The following TTC7A variants were observed in gnomAD, a reference collection of about 807,000 sequenced individuals.
TTC7A encodes the protein tetratricopeptide repeat protein 7A.
A neutral mutation model predicts 103.7 loss-of-function variants in TTC7A; 110 were observed. The observed-to-expected ratio is 1.06, with a 90% CI of 0.91 to 1.24. TTC7A has a LOEUF of 1.24. Among genes scored for constraint, TTC7A ranks in the 50% most tolerant of loss-of-function variants. The pLI is 0.00. For synonymous variants in TTC7A, 521 were observed against 467.9 expected (o/e 1.11, Z -1.47); for missense variants, 1,340 against 1,116.3 (o/e 1.20, Z -2.86).
At position 47,050,146 on chromosome 2, in the gene TTC7A, C is replaced by T. The variant is rs566433252; in HGVS notation, c.2017+100C>T. ...GAGAGGGGCCGGGCCCTCTCCCAGC[C>T]GGGCCAAGCCCACCACTGGCTCCTT... On this transcript the variant is annotated intron_variant, in intron 17 of 19. Transcript: ENST00000319190. 170 of 1,019,702 alleles carry T rather than the reference C, an allele frequency of 1.7e-4. 1 individual carries two copies. Among genetic ancestry groups the T allele is most frequent in the South Asian group, 1.3e-3 (95 of 73,852 alleles). The allele number at this position is 1,019,702 out of a possible 1,614,324, so 63.2% of individuals were successfully genotyped here. A position where few individuals can be genotyped will look rare whatever the true frequency, so the allele number is the denominator to read the frequency against.
chr2:46,943,551 T>C (rs1369726790), intron 1 of TTC7A, among the ~76,000 whole-genome samples: 2 of 152,150 alleles, frequency 1.3e-5, no homozygotes, highest in Non-Finnish European at 1.5e-5. Flanking sequence ...TAGTCATACA[T>C]GCATATGCAC....
chr2:46,961,713 T>C, intron 3 of TTC7A, among the ~76,000 whole-genome samples: 1 of 151,916 alleles, frequency 6.6e-6, no homozygotes, highest in East Asian at 1.9e-4. Flanking sequence ...GAGACCAGCC[T>C]GGCCAACATG....
intron 18 of TTC7A, among the ~76,000 whole-genome samples, chr2:47,060,360 A>C (rs957853768): frequency 2.6e-5 from 4 of 151,318 alleles, no homozygotes; most frequent in Admixed American, 1.3e-4. Context: ...ACAGAGGGAA[A>C]CTCTTTTTCT....
chr2:46,963,752 G>A (rs1431657354), intron 3 of TTC7A, among the ~76,000 whole-genome samples: 1 of 152,192 alleles, frequency 6.6e-6, no homozygotes, highest in Non-Finnish European at 1.5e-5. Flanking sequence ...AGCTATTGAG[G>A]TCTGTTGAGG....
Position 47,051,889 on chromosome 2 carries a change from C to T in TTC7A, c.2152+9C>T, listed in dbSNP as rs1383429766. 6.2e-7 allele frequency: 1 copy of T among 1,603,800 alleles called. No homozygotes were observed. Among genetic ancestry groups the T allele is most frequent in the Admixed American group, 1.7e-5 (1 of 59,206 alleles). On this transcript the variant is annotated intron_variant, in intron 18 of 19. Coordinates refer to ENST00000319190, the MANE Select transcript of TTC7A (RefSeq NM_020458.4). ...GATCTGGCTGCAGGCTGGTGAGTGCCCTGGTCCCAGTGACACACACAGCCT... is the reference window on the plus strand; with the variant it reads ...GATCTGGCTGCAGGCTGGTGAGTGCTCTGGTCCCAGTGACACACACAGCCT...
In TTC7A at chr2:47,064,365, G is replaced by C. The variant is rs12612314; in HGVS notation, c.2355+3394G>C. Among the ~76,000 whole-genome samples, 2,698 of 152,332 alleles carry C rather than the reference G, an allele frequency of 0.018. 334 individuals are homozygous for C. The East Asian group carries it at 0.34, about 19-fold the overall frequency. The stretch of plus-strand genomic sequence containing the variant: ...GTCCCAGACTTCTCTCCAGTAGCTG[G>C]AAATCCCACTCAGCTGGGGTATTCA... On this transcript the variant is annotated intron_variant, in intron 19 of 19. Transcript: ENST00000319190.
chr2:46,995,390 A>G (rs1381716196), intron 8 of TTC7A, among the ~76,000 whole-genome samples, 191 bp downstream of exon 8: 1 of 152,206 alleles, frequency 6.6e-6, no homozygotes, highest in African/African-American at 2.4e-5. Context: ...TTGGCTGTCG[A>G]AGGCTTCATT....
chr2:47,073,568 T>G (rs1684957576), intron 19 of TTC7A, 134 bp from the exon 20 acceptor site: 12 of 744,112 alleles, frequency 1.6e-5, no homozygotes, highest in Non-Finnish European at 4.6e-6. Context: ...CACTTAACAG[T>G]GCCCAAGCCA....
At chr2:46,998,548 G>C (rs892550283) in intron 8 of TTC7A, among the ~76,000 whole-genome samples, 1 of 152,206 alleles carries the variant, frequency 6.6e-6, no homozygotes, top group Non-Finnish European at 1.5e-5. Context: ...GGCTGGGTTT[G>C]GCTACAAATG....
intron 1 of TTC7A, among the ~76,000 whole-genome samples, chr2:46,942,814 C>T (rs1483715781): frequency 6.6e-6 from 1 of 152,180 alleles, no homozygotes; most frequent in Non-Finnish European, 1.5e-5. Context: ...TTGAAGAGCT[C>T]CCACAGTGAA....
chr2:46,993,659 TAATC>T, intron 6 of TTC7A, 131 bp downstream of exon 6: 1 of 807,678 alleles, frequency 1.2e-6, no homozygotes, highest in South Asian at 1.5e-5. Context: ...CAGAGGTTGG[TAATC>T]AATCTCAGCA....
At chr2:46,975,800 G>A (rs58580247) in intron 4 of TTC7A, among the ~76,000 whole-genome samples, 24,049 of 151,870 alleles carry the variant, frequency 0.16, 2,576 homozygotes, top group African/African-American at 0.31. Flanking sequence ...TCAGTGGCAC[G>A]ATCTCAGCTC....
At chr2:47,002,376 G>A (rs1676910906) in intron 8 of TTC7A, among the ~76,000 whole-genome samples, 1 of 152,218 alleles carries the variant, frequency 6.6e-6, no homozygotes, top group Non-Finnish European at 1.5e-5. Context: ...ACGGTGAGAA[G>A]ATTTAATGTT....
intron 2 of TTC7A, among the ~76,000 whole-genome samples, chr2:46,925,316 G>A (rs991551494): frequency 3.3e-5 from 5 of 152,122 alleles, no homozygotes; most frequent in Non-Finnish European, 7.3e-5. Context: ...CCAGCACTTT[G>A]GGAGGCTAAG....
At chr2:46,938,253 T>C (rs1238742609), upstream of TTC7A, among the ~76,000 whole-genome samples, 1 of 152,164 alleles carries the variant, frequency 6.6e-6, no homozygotes, top group African/African-American at 2.4e-5. Context: ...CAAGGAAACA[T>C]TTCTCTAAAA....
chr2:46,976,447 T>C (rs1184842966), intron 4 of TTC7A, among the ~76,000 whole-genome samples: 2 of 152,212 alleles, frequency 1.3e-5, no homozygotes, highest in African/African-American at 4.8e-5. Context: ...TAGATTAGGA[T>C]TGGTGCCCTG....
intron 15 of TTC7A, among the ~76,000 whole-genome samples, chr2:47,044,838 A>T (rs1035272720): frequency 2.6e-5 from 4 of 152,240 alleles, no homozygotes; most frequent in Non-Finnish European, 4.4e-5. Flanking sequence ...AAGTATGGAA[A>T]GATGGGCAGA....
At chr2:47,072,065 C>T (rs1467138145) in intron 19 of TTC7A, among the ~76,000 whole-genome samples, 1 of 152,158 alleles carries the variant, frequency 6.6e-6, no homozygotes, top group Non-Finnish European at 1.5e-5. Context: ...CCCTGTGGGC[C>T]GTGTTCCATT....
chr2:46,957,062 C>CT (rs1395248243), intron 3 of TTC7A, 55 bp downstream of exon 3: 2 of 1,606,534 alleles, frequency 1.2e-6, no homozygotes, highest in East Asian at 4.5e-5. Context: ...TCGTTGCACT[C>CT]TGACTCCCAG....
Sources: allele counts gnomAD v4.1 joint callset (sites outside exome capture counted in the v4.1 genomes callset), GRCh38; gene constraint gnomAD v4.1.1; transcripts MANE v1.5; gene names NCBI Gene and HGNC (gene_info 2026-07-23, HGNC 2026-07-21).